DMD: variants seen among roughly 807,000 people sequenced by gnomAD.
The protein encoded by DMD is mutant dystrophin.
In DMD, 63 loss-of-function variants were observed where a neutral mutation model predicts 330.1. The observed-to-expected ratio is 0.19, with a 90% CI of 0.16 to 0.24. The LOEUF (loss-of-function observed/expected upper bound fraction) is 0.24. Among genes scored for constraint, DMD ranks in the 10% least tolerant of loss-of-function variants. DMD has a pLI of 1.00. For missense variants in DMD, 3,344 were observed against 2,684.1 expected (o/e 1.25, Z -5.43); for synonymous variants, 1,223 against 959.8 (o/e 1.27, Z -5.07).
chrX:32,950,741 A>G (rs67575614), intron 2 of DMD, among the ~76,000 whole-genome samples: 14,486 of 110,814 alleles, frequency 0.13, 1,015 homozygotes, highest in African/African-American at 0.27. Context: ...TTATGAATTC[A>G]GAAGGACCGG....
chrX:32,441,154 A>G, intron 28 of DMD, 26 bp downstream of exon 28: 1 of 1,202,311 alleles, frequency 8.3e-7, no homozygotes, highest in Non-Finnish European at 1.1e-6. Context: ...ATAAATTATC[A>G]TCATTTGGCT....
intron 60 of DMD, among the ~76,000 whole-genome samples, chrX:31,413,718 C>T (rs1334524826): frequency 9.0e-6 from 1 of 111,525 alleles, no homozygotes; most frequent in African/African-American, 3.3e-5. Flanking sequence ...TGAAACATCA[C>T]CAAATTTACC....
At chrX:32,548,580 C>T (rs2049205752) in intron 16 of DMD, among the ~76,000 whole-genome samples, 1 of 111,658 alleles carries the variant, frequency 9.0e-6, no homozygotes, top group Admixed American at 9.6e-5. Context: ...TTGCTTTACA[C>T]TATTGAGTAA....
At chrX:32,241,028 T>A (rs371141243) in intron 43 of DMD, among the ~76,000 whole-genome samples, 3 of 112,482 alleles carry the variant, frequency 2.7e-5, no homozygotes, top group Non-Finnish European at 5.6e-5. Flanking sequence ...TTTCATCTCA[T>A]TGACTTGATA....
At chrX:31,185,126 A>T (rs1411163152) in intron 67 of DMD, among the ~76,000 whole-genome samples, 3 of 110,314 alleles carry the variant, frequency 2.7e-5, no homozygotes, top group Non-Finnish European at 3.8e-5. Context: ...AAAATAAAAT[A>T]AAAAAAATAA....
At chrX:32,121,212 G>A (rs910538961) in intron 44 of DMD, among the ~76,000 whole-genome samples, 3 of 111,198 alleles carry the variant, frequency 2.7e-5, no homozygotes, top group East Asian at 2.8e-4. Context: ...ACTTGAGATC[G>A]AAAGACAAAA....
intron 1 of DMD, among the ~76,000 whole-genome samples, chrX:33,243,401 C>G (rs2052618947): frequency 9.0e-6 from 1 of 111,594 alleles, no homozygotes; most frequent in African/African-American, 3.3e-5. Context: ...AAAAAAATCT[C>G]CACATGTTGG....
At chrX:31,166,656 A>G (rs2039445273) in intron 74 of DMD, among the ~76,000 whole-genome samples, 1 of 111,412 alleles carries the variant, frequency 9.0e-6, no homozygotes, top group Non-Finnish European at 1.9e-5. Flanking sequence ...ACTGAATTCA[A>G]GGGTAGCGAA....
intron 44 of DMD, among the ~76,000 whole-genome samples, chrX:32,172,397 A>C (rs988936714): frequency 1.8e-5 from 2 of 112,219 alleles, no homozygotes; most frequent in Non-Finnish European, 3.8e-5. Flanking sequence ...ATAGAAATAT[A>C]ATTTATGTAG....
At chrX:31,184,664 C>T (rs1223028165) in intron 67 of DMD, among the ~76,000 whole-genome samples, 14 of 80,076 alleles carry the variant, frequency 1.7e-4, no homozygotes, top group East Asian at 8.1e-4. Flanking sequence ...CACATGCACA[C>T]GTATGTTTAT....
chrX:33,297,748 CATGATATT>C (rs1185048413), intron 1 of DMD, among the ~76,000 whole-genome samples: 1 of 111,094 alleles, frequency 9.0e-6, no homozygotes, highest in Non-Finnish European at 1.9e-5. Flanking sequence ...ACAAATGTTG[CATGATATT>C]ATGTGTGGAA....
At chrX:32,617,461 G>A (rs746885416) in intron 11 of DMD, among the ~76,000 whole-genome samples, 1 of 111,281 alleles carries the variant, frequency 9.0e-6, no homozygotes, top group African/African-American at 3.3e-5. Flanking sequence ...ACACCGTGAG[G>A]ACAGGACACC....
intron 52 of DMD, among the ~76,000 whole-genome samples, chrX:31,723,249 T>C (rs898356630): frequency 9.5e-6 from 1 of 105,126 alleles, no homozygotes; most frequent in African/African-American, 3.7e-5. Flanking sequence ...CAGGTAACTT[T>C]TGAATTCTTG....
intron 52 of DMD, among the ~76,000 whole-genome samples, chrX:31,703,555 C>G (rs1439283033): frequency 1.8e-5 from 2 of 112,215 alleles, no homozygotes; most frequent in Non-Finnish European, 3.8e-5. Flanking sequence ...GTGAGTTTCT[C>G]AAGTCATAAC....
chrX:32,240,092 T>C, intron 43 of DMD, among the ~76,000 whole-genome samples: 1 of 111,915 alleles, frequency 8.9e-6, no homozygotes, highest in Non-Finnish European at 1.9e-5. Context: ...GATTGTCTCT[T>C]AAAACTGAGG....
intron 42 of DMD, among the ~76,000 whole-genome samples, chrX:32,305,229 G>A (rs758244353): frequency 9.0e-6 from 1 of 111,235 alleles, no homozygotes; most frequent in South Asian, 3.7e-4. Flanking sequence ...TTAACTAATT[G>A]GGATTATTAA....
intron 50 of DMD, among the ~76,000 whole-genome samples, chrX:31,811,541 C>T (rs183743491): frequency 2.6e-4 from 29 of 112,130 alleles, no homozygotes; most frequent in African/African-American, 7.8e-4. Context: ...TCTCCAGCTG[C>T]TCCAAGGCCT....
chrX:31,576,078 C>A (rs946341539), intron 55 of DMD, among the ~76,000 whole-genome samples: 1 of 111,869 alleles, frequency 8.9e-6, no homozygotes, highest in Non-Finnish European at 1.9e-5. Context: ...AGTACAGAGA[C>A]TTCTCACGCA....
chrX:31,624,544 T>C (rs1366541371), intron 55 of DMD, among the ~76,000 whole-genome samples: 2 of 112,257 alleles, frequency 1.8e-5, no homozygotes, highest in East Asian at 5.6e-4. Flanking sequence ...AAAAACGGAT[T>C]GACAGTCTTA....
Sources: gnomAD v4.1 joint callset for allele counts (sites outside exome capture counted in the v4.1 genomes callset) on GRCh38, gnomAD v4.1.1 for gene constraint, MANE v1.5 for transcripts, NCBI Gene and HGNC (gene_info 2026-07-23, HGNC 2026-07-21) for gene names.